Variants in ASB3 observed in about 807,000 individuals in gnomAD.
ASB3 encodes the protein ankyrin repeat and SOCS box containing 3, also known as ankyrin repeat and SOCS box protein 3.
A neutral mutation model predicts 54.5 loss-of-function variants in ASB3; 41 were observed. That is an observed-to-expected ratio of 0.75 (90% CI 0.59 to 0.98). The LOEUF is 0.98. ASB3 is among the 50% of genes least tolerant of loss of function. The probability of loss-of-function intolerance (pLI) is 0.00; values close to 1 mark genes in which losing one functional copy is unlikely to be tolerated. For synonymous variants in ASB3, 266 were observed against 221.2 expected (o/e 1.20, Z -1.80); for missense variants, 733 against 620.0 (o/e 1.18, Z -1.94).
chr2:53,686,386 C>T (rs1322473362), intron 9 of ASB3, among the ~76,000 whole-genome samples: 2 of 152,186 alleles, frequency 1.3e-5, no homozygotes, highest in African/African-American at 2.4e-5. Context: ...CCCCAACACC[C>T]TCCTCAGAGC....
At chr2:53,764,904 T>C (rs557704125) in intron 2 of ASB3, among the ~76,000 whole-genome samples, 1 of 152,242 alleles carries the variant, frequency 6.6e-6, no homozygotes, top group Non-Finnish European at 1.5e-5. Context: ...CTGTTTCCTC[T>C]GACAAGAAAA....
At chr2:53,685,964 G>A (rs1238578204) in intron 9 of ASB3, among the ~76,000 whole-genome samples, 1 of 152,204 alleles carries the variant, frequency 6.6e-6, no homozygotes, top group Non-Finnish European at 1.5e-5. Flanking sequence ...GTATGGAACT[G>A]TCACATGGGA....
intron 1 of ASB3, chr2:53,774,605 AT>A (rs1674203339): frequency 5.7e-6 from 6 of 1,059,224 alleles, no homozygotes; most frequent in Admixed American, 2.8e-5. Flanking sequence ...CTTATTTTTA[AT>A]GTAGTGAGGA....
chr2:53,764,952 A>G (rs984094371), intron 2 of ASB3, among the ~76,000 whole-genome samples: 3 of 152,382 alleles, frequency 2.0e-5, no homozygotes, highest in Admixed American at 2.0e-4. Flanking sequence ...CATGCTAAGT[A>G]GTTGTAAAAA....
intron 2 of ASB3, among the ~76,000 whole-genome samples, chr2:53,764,428 C>G (rs528385127): frequency 1.3e-5 from 2 of 152,180 alleles, no homozygotes; most frequent in Non-Finnish European, 2.9e-5. Flanking sequence ...GAGCCTTGGT[C>G]TTTTCACCAA....
chr2:53,704,054 T>C (rs1669634489), intron 7 of ASB3, among the ~76,000 whole-genome samples: 1 of 152,082 alleles, frequency 6.6e-6, no homozygotes, highest in South Asian at 2.1e-4. Flanking sequence ...AGGAAATTCG[T>C]GTATCACTCA....
chr2:53,718,177 A>T (rs1399071871), intron 5 of ASB3, among the ~76,000 whole-genome samples: 1 of 152,306 alleles, frequency 6.6e-6, no homozygotes, highest in South Asian at 2.1e-4. Context: ...TCCAGATAGA[A>T]GCAATACAGA....
At chr2:53,769,637 G>A (rs982022181) in intron 1 of ASB3, among the ~76,000 whole-genome samples, 1 of 152,118 alleles carries the variant, frequency 6.6e-6, no homozygotes, top group Non-Finnish European at 1.5e-5. Flanking sequence ...ACCTGAGGTC[G>A]GGAGTTCAAC....
chr2:53,772,263 C>T (rs1314386170), intron 1 of ASB3, among the ~76,000 whole-genome samples: 1 of 152,124 alleles, frequency 6.6e-6, no homozygotes, highest in Non-Finnish European at 1.5e-5. Flanking sequence ...CAAGCTCCGC[C>T]TCCCGGGTTC....
At chr2:53,768,753 A>C (rs6737681) in intron 1 of ASB3, among the ~76,000 whole-genome samples, 15,874 of 152,180 alleles carry the variant, frequency 0.1, 1,076 homozygotes, top group Non-Finnish European at 0.15. Context: ...CTTTTCAGTC[A>C]GTCCTACAAA....
At chr2:53,766,598 TATAA>T (rs1398225709) in intron 1 of ASB3, among the ~76,000 whole-genome samples, 3 of 152,144 alleles carry the variant, frequency 2.0e-5, no homozygotes, top group Non-Finnish European at 4.4e-5. Flanking sequence ...CATTTAAAAG[TATAA>T]ATAAAGTAAA....
intron 5 of ASB3, among the ~76,000 whole-genome samples, chr2:53,724,367 G>C (rs1251632338): frequency 6.6e-6 from 1 of 152,176 alleles, no homozygotes; most frequent in Non-Finnish European, 1.5e-5. Flanking sequence ...TGGAGGCCAA[G>C]GCGGGTGGAT....
intron 3 of ASB3, among the ~76,000 whole-genome samples, chr2:53,748,076 T>C (rs1004159577): frequency 1.3e-5 from 2 of 152,262 alleles, no homozygotes; most frequent in African/African-American, 4.8e-5. Context: ...CCTGTAAAAG[T>C]GGGAATAATA....
At chr2:53,712,695 T>C (rs1034713403) in intron 7 of ASB3, among the ~76,000 whole-genome samples, 4 of 152,040 alleles carry the variant, frequency 2.6e-5, no homozygotes, top group African/African-American at 7.2e-5. Context: ...CCAAAAACAT[T>C]GTTCATCCAA....
At chr2:53,732,462 C>T (rs1340427013) in intron 3 of ASB3, among the ~76,000 whole-genome samples, 3 of 152,096 alleles carry the variant, frequency 2.0e-5, no homozygotes, top group Non-Finnish European at 4.4e-5. Context: ...ATAGCCAGTC[C>T]ATGACTTGAA....
chr2:53,688,135 A>C (rs1164529026), intron 9 of ASB3, among the ~76,000 whole-genome samples: 1 of 152,028 alleles, frequency 6.6e-6, no homozygotes, highest in Non-Finnish European at 1.5e-5. Flanking sequence ...GTTTTTATTG[A>C]CCTTTCCTTG....
chr2:53,744,384 C>CAAAAAAAAAAAAAAAAAAAAAA (rs779225958), intron 3 of ASB3, among the ~76,000 whole-genome samples: 2 of 139,872 alleles, frequency 1.4e-5, no homozygotes, highest in African/African-American at 5.6e-5. Context: ...GACTCTGTCT[C>CAAAAAAAAAAAAAAAAAAAAAA]AAAAAAATAA....
chr2:53,740,977 C>T (rs1022748188), intron 3 of ASB3, among the ~76,000 whole-genome samples: 1 of 152,198 alleles, frequency 6.6e-6, no homozygotes, highest in African/African-American at 2.4e-5. Flanking sequence ...TCTTCTAGGG[C>T]TATAACACTG....
intron 3 of ASB3, among the ~76,000 whole-genome samples, chr2:53,742,412 G>T (rs1299444611): frequency 6.6e-6 from 1 of 152,056 alleles, no homozygotes; most frequent in African/African-American, 2.4e-5. Flanking sequence ...AGGAAGAAAA[G>T]TTATAGAAAA....
Sources: gnomAD v4.1 joint callset for allele counts (sites outside exome capture counted in the v4.1 genomes callset) on GRCh38, gnomAD v4.1.1 for gene constraint, MANE v1.5 for transcripts, NCBI Gene and HGNC (gene_info 2026-07-23, HGNC 2026-07-21) for gene names.